The following PHF21B variants were observed in gnomAD, a reference collection of about 807,000 sequenced individuals.
PHF21B encodes PHD finger protein 4.
Under a neutral mutation model 62.2 loss-of-function variants are expected in PHF21B, and 22 were observed. The observed-to-expected ratio is 0.35, with a 90% confidence interval of 0.25 to 0.51. PHF21B has a LOEUF of 0.51. PHF21B is among the 20% of genes least tolerant of loss of function. The pLI is 0.97. For missense variants in PHF21B, 701 were observed against 707.9 expected, an observed-to-expected ratio of 0.99 and a Z score of 0.11; for synonymous variants, 341 against 314.7, an observed-to-expected ratio of 1.08 and a Z score of -0.88.
chr22:44,895,361 C>T (rs909812852), intron 6 of PHF21B, among the ~76,000 whole-genome samples: 6 of 152,172 alleles, frequency 3.9e-5, no homozygotes, highest in Admixed American at 2.0e-4. Context: ...GTTCACGGCC[C>T]ATGTGAAGCT....
chr22:44,936,349 G>A lies in PHF21B; in HGVS notation c.121-15859C>T, dbSNP rs141578805. Among the ~76,000 whole-genome samples, 646 of 152,348 alleles carry A rather than the reference G, an allele frequency of 4.2e-3. 6 individuals carry two copies. The highest frequency in any genetic ancestry group is 0.014 in the African/African-American group (578 of 41,584). On this transcript the variant is annotated intron_variant, in intron 2 of 12. Transcript: ENST00000313237. ...TGTAGAGAGGCCGCAGCCTCAGGCC[G>A]ACTGTCTCTCTGGCCCAGCAGAAAT...
At chr22:44,995,332 C>T (rs543106234) in intron 2 of PHF21B, among the ~76,000 whole-genome samples, 6 of 152,172 alleles carry the variant, frequency 3.9e-5, no homozygotes, top group African/African-American at 9.7e-5. Context: ...TGAGAGGCAG[C>T]GTTCCCCATT....
intron 2 of PHF21B, among the ~76,000 whole-genome samples, chr22:44,945,586 T>G (rs986918228): frequency 6.6e-6 from 1 of 152,120 alleles, no homozygotes; most frequent in Non-Finnish European, 1.5e-5. Flanking sequence ...TCAGATCCCC[T>G]GCACCTGGGC....
At chr22:44,963,382 A>C (rs2072462996) in intron 2 of PHF21B, among the ~76,000 whole-genome samples, 1 of 152,248 alleles carries the variant, frequency 6.6e-6, no homozygotes, top group Non-Finnish European at 1.5e-5. Context: ...AGGGTGGATC[A>C]GCCCTCACTG....
chr22:44,888,164 G>C (rs578192655), intron 9 of PHF21B, 43 bp from the exon 10 acceptor site: 2 of 1,451,356 alleles, frequency 1.4e-6, no homozygotes, highest in Non-Finnish European at 1.8e-6. Flanking sequence ...GCCACAGCCA[G>C]GGCAGCGGGG....
intron 2 of PHF21B, chr22:45,008,336 C>A (rs2073363775): frequency 4.7e-6 from 2 of 429,710 alleles, no homozygotes; most frequent in Non-Finnish European, 8.0e-6. Flanking sequence ...CTCTTCGGCC[C>A]CCGCAGGGCC....
At chr22:44,927,412 G>A (rs2071653846) in intron 2 of PHF21B, among the ~76,000 whole-genome samples, 1 of 152,134 alleles carries the variant, frequency 6.6e-6, no homozygotes, top group Non-Finnish European at 1.5e-5. Flanking sequence ...AGAAAGAGTG[G>A]GCTCTGCAAC....
intron 5 of PHF21B, among the ~76,000 whole-genome samples, chr22:44,905,244 A>C (rs1006726464): frequency 6.6e-6 from 1 of 152,066 alleles, no homozygotes; most frequent in South Asian, 2.1e-4. Flanking sequence ...TTTCTTTTAC[A>C]TGTTTGCATC....
At chr22:44,987,752 C>T (rs1349030319) in intron 2 of PHF21B, among the ~76,000 whole-genome samples, 2 of 119,084 alleles carry the variant, frequency 1.7e-5, no homozygotes, top group Non-Finnish European at 3.5e-5. Flanking sequence ...GAGCCCCCAA[C>T]ACTCTCTCGT....
intron 9 of PHF21B, among the ~76,000 whole-genome samples, chr22:44,888,726 G>A (rs2070905696): frequency 6.6e-6 from 1 of 152,240 alleles, no homozygotes; most frequent in Non-Finnish European, 1.5e-5. Flanking sequence ...GACACTGGAT[G>A]TCCCTGAAGG....
intron 2 of PHF21B, 148 bp downstream of exon 2, chr22:45,008,397 G>GGA (rs1885512476): frequency 1.5e-6 from 1 of 657,488 alleles, no homozygotes; most frequent in South Asian, 4.3e-5. Flanking sequence ...CCAGGAAAGG[G>GGA]GAGGGGTGGG....
intron 2 of PHF21B, among the ~76,000 whole-genome samples, chr22:44,985,177 T>A (rs995294724): frequency 1.3e-4 from 20 of 152,308 alleles, no homozygotes; most frequent in African/African-American, 4.6e-4. Context: ...AACAGCAATA[T>A]CATTTACAGT....
At chr22:44,902,126 CACCAG>C (rs1569216326) in intron 5 of PHF21B, 1 of 214,804 alleles carries the variant, frequency 4.7e-6, no homozygotes, top group African/African-American at 2.3e-5. Flanking sequence ...GTTGAGGACA[CACCAG>C]AAATTTGCCA....
intron 2 of PHF21B, among the ~76,000 whole-genome samples, chr22:44,936,306 G>C (rs2071845870): frequency 6.6e-6 from 1 of 152,220 alleles, no homozygotes; most frequent in African/African-American, 2.4e-5. Flanking sequence ...GTCCCGCCTG[G>C]TTCTGAAGGC....
intron 2 of PHF21B, among the ~76,000 whole-genome samples, chr22:44,929,239 T>C (rs1316221769): frequency 6.6e-6 from 1 of 152,232 alleles, no homozygotes; most frequent in Non-Finnish European, 1.5e-5. Context: ...TATTCACAGA[T>C]GAAATCCAAC....
At chr22:44,994,314 C>T (rs906628774) in intron 2 of PHF21B, among the ~76,000 whole-genome samples, 5 of 152,154 alleles carry the variant, frequency 3.3e-5, no homozygotes, top group East Asian at 1.9e-4. Context: ...CCATGACTGG[C>T]GAGCTTATAA....
chr22:44,914,691 C>T (rs895477998), intron 4 of PHF21B, among the ~76,000 whole-genome samples: 9 of 152,188 alleles, frequency 5.9e-5, no homozygotes, highest in African/African-American at 2.2e-4. Context: ...TGCCATGAGG[C>T]CCCTCACGTG....
chr22:44,945,717 G>C (rs1204880817), intron 2 of PHF21B, among the ~76,000 whole-genome samples: 1 of 18,184 alleles, frequency 5.5e-5, no homozygotes, highest in Non-Finnish European at 1.3e-4. Flanking sequence ...TGGCAGAATT[G>C]GGGGGGGGGT....
rs1478738507 is a variant in PHF21B at position 44,916,310 on chromosome 22, G to A, written c.534C>T (p.Val178=). ...TGTCAGCACTGATGAGGAGGGGCTGGACTTTGATGCTGTCACTGACCACAG... is the reference window on the plus strand; with the variant it reads ...TGTCAGCACTGATGAGGAGGGGCTGAACTTTGATGCTGTCACTGACCACAG... The part of the protein sequence containing the change: ...AVSVVSDSIK[V]QPLLISADNK... The change falls in exon 4 of 13, where the codon GTC becomes GTT. Residue 178 remains valine, a synonymous_variant. Coordinates refer to ENST00000313237, the MANE Select transcript of PHF21B (RefSeq NM_138415.5). The A allele has an allele frequency of 6.2e-7, 1 of 1,601,590 alleles. No individual in the cohort carries two copies. The highest frequency in any genetic ancestry group is 8.5e-7 in the Non-Finnish European group (1 of 1,177,406).
Sources: allele counts gnomAD v4.1 joint callset (sites outside exome capture counted in the v4.1 genomes callset), GRCh38; gene constraint gnomAD v4.1.1; transcripts MANE v1.5; gene names NCBI Gene and HGNC (gene_info 2026-07-23, HGNC 2026-07-21).